CRAMP1: variants seen among roughly 807,000 people sequenced by gnomAD.
CRAMP1 encodes protein cramped-like.
In CRAMP1, 50 loss-of-function variants were observed where a neutral mutation model predicts 115.4. That is an observed-to-expected ratio of 0.43 (90% CI 0.35 to 0.55). The LOEUF (loss-of-function observed/expected upper bound fraction) is 0.55, where lower values mean the gene tolerates loss of function less well. Ranked by LOEUF, CRAMP1 falls within the 20% of genes least tolerant of loss-of-function variation. The probability of loss-of-function intolerance (pLI) is 0.01; values close to 1 mark genes in which losing one functional copy is unlikely to be tolerated. For missense variants in CRAMP1, 1,679 were observed against 1,721.7 expected (o/e 0.98, Z 0.44); for synonymous variants, 866 against 745.4 (o/e 1.16, Z -2.64).
intron 10 of CRAMP1, among the ~76,000 whole-genome samples, chr16:1,657,774 G>C (rs1333920058): frequency 6.6e-6 from 1 of 152,142 alleles, no homozygotes; most frequent in African/African-American, 2.4e-5. Flanking sequence ...CCCCAAGTCC[G>C]ATAGGATCTC....
Position 1,674,000 on chromosome 16 carries a change from T to C in CRAMP1, c.3765T>C (p.Phe1255=). The change falls in exon 21 of 21, where the codon TTT becomes TTC. Residue 1255 remains phenylalanine (F), a synonymous_variant. Coordinates refer to ENST00000397412, the MANE Select transcript of CRAMP1 (RefSeq NM_020825.4). ...AGCCTGGCCGCCGAGAAGCTCTGTT[T>C]GATGGTGGTGGAGGCGGCCCCGCTG... ...IAEPGRREAL[F]DGGGGGPAVS... 6.2e-7 allele frequency: 1 copy of C among 1,612,566 alleles called. No individual in the cohort carries two copies. The highest frequency in any genetic ancestry group is 1.1e-5 in the South Asian group (1 of 91,012).
chr16:1,669,185 TC>T lies in CRAMP1; in HGVS notation c.3499+23del. On this transcript the variant is annotated intron_variant, in intron 19 of 20. Coordinates refer to ENST00000397412, the MANE Select transcript of CRAMP1 (RefSeq NM_020825.4). The surrounding 1 kb of genome is among the most constrained non-coding windows in gnomAD (Gnocchi z 4.6). ...TGTTTGGTGAGTGTATGGGGAGGGC[TC>T]CCATCTCCTTTTCCAGGGCAGCAGG... is the stretch of plus-strand genomic sequence containing the variant. The T allele has an allele frequency of 6.5e-7, 1 of 1,543,474 alleles. No individual in the cohort carries two copies. The highest frequency in any genetic ancestry group is 8.7e-7 in the Non-Finnish European group (1 of 1,144,680).
At chr16:1,657,362 G>T (rs979566100) in intron 10 of CRAMP1, among the ~76,000 whole-genome samples, 6 of 152,214 alleles carry the variant, frequency 3.9e-5, no homozygotes, top group Non-Finnish European at 7.3e-5. Flanking sequence ...CTTGTGAGCC[G>T]CCTCGTGTTC....
At chr16:1,662,903 C>A in intron 13 of CRAMP1, 68 bp downstream of exon 13, 1 of 1,230,578 alleles carries the variant, frequency 8.1e-7, no homozygotes, top group Non-Finnish European at 1.2e-6. Flanking sequence ...GGGCTTCTTC[C>A]CTCTCTCACA....
chr16:1,648,744 G>A (rs534873485), intron 6 of CRAMP1, among the ~76,000 whole-genome samples: 18 of 151,998 alleles, frequency 1.2e-4, no homozygotes, highest in Admixed American at 9.2e-4. Context: ...GTGTATTTCA[G>A]CTGGGTTAAG....
intron 2 of CRAMP1, among the ~76,000 whole-genome samples, chr16:1,622,537 T>A (rs1465589312): frequency 6.6e-6 from 1 of 152,122 alleles, no homozygotes; most frequent in African/African-American, 2.4e-5. Context: ...GCACTCCAAG[T>A]CTAGAATAAT....
chr16:1,655,969 T>G lies in CRAMP1; in HGVS notation c.1212T>G (p.Cys404Trp). 6.2e-7 allele frequency: 1 copy of G among 1,613,082 alleles called. No homozygotes were observed. Among genetic ancestry groups the G allele is most frequent in the South Asian group, 1.1e-5 (1 of 91,084 alleles). The change falls in exon 10 of 21, where the codon TGT becomes TGG. Residue 404 changes from cysteine to tryptophan, a missense_variant. Around this residue, in one of 8 missense-constraint regions of CRAMP1, gnomAD observed 191 missense variants for 236.2 expected, o/e 0.81. Transcript: ENST00000397412. ...TGCACTTGTTCCCAGGCGAGAACTG[T>G]ACACTGACACCGCTGCCGGGCGTGG... The part of the protein sequence containing the change: ...VTLHLFPGEN[C>W]TLTPLPGVAR...
intron 6 of CRAMP1, among the ~76,000 whole-genome samples, chr16:1,649,991 G>A (rs771698426): frequency 1.1e-4 from 16 of 151,630 alleles, no homozygotes; most frequent in African/African-American, 2.9e-4. Flanking sequence ...ACAGGGTTTC[G>A]TCATATTGGT....
intron 2 of CRAMP1, among the ~76,000 whole-genome samples, chr16:1,622,577 G>C (rs1052377259): frequency 6.6e-6 from 1 of 152,020 alleles, no homozygotes; most frequent in African/African-American, 2.4e-5. Context: ...AGGTTACTTG[G>C]GGCGATTTGC....
At chr16:1,629,679 C>T (rs566815612) in intron 3 of CRAMP1, among the ~76,000 whole-genome samples, 28 of 152,262 alleles carry the variant, frequency 1.8e-4, no homozygotes, top group African/African-American at 4.6e-4. Context: ...TGGTTCTTGC[C>T]GAGGCCCAGG....
intron 19 of CRAMP1, chr16:1,670,394 C>A (rs1596499884): frequency 2.8e-6 from 1 of 357,312 alleles, no homozygotes; most frequent in Non-Finnish European, 4.9e-6. Flanking sequence ...GGGTGGGAGA[C>A]CGTGATGGGG....
chr16:1,624,543 C>T (rs1310119304), intron 2 of CRAMP1, among the ~76,000 whole-genome samples: 1 of 151,776 alleles, frequency 6.6e-6, no homozygotes, highest in Non-Finnish European at 1.5e-5. Context: ...CTCAGTCTCC[C>T]AAGTAGCTAG....
At chr16:1,643,706 A>G (rs2036651776) in intron 6 of CRAMP1, among the ~76,000 whole-genome samples, 1 of 152,238 alleles carries the variant, frequency 6.6e-6, no homozygotes, top group Non-Finnish European at 1.5e-5. Context: ...GAAATGTGTC[A>G]TGAGCTTATG....
At chr16:1,619,898 A>G (rs1328568622) in intron 2 of CRAMP1, among the ~76,000 whole-genome samples, 1 of 152,182 alleles carries the variant, frequency 6.6e-6, no homozygotes, top group Non-Finnish European at 1.5e-5. Context: ...TCTTGCAGGC[A>G]CGCCTGGAGT....
chr16:1,677,898 T>G lies in CRAMP1; in HGVS notation c.*3853T>G. The G allele has an allele frequency of 5.8e-6, 1 of 171,026 alleles. No homozygotes were observed. Among genetic ancestry groups the G allele is most frequent in the Non-Finnish European group, 1.2e-5 (1 of 80,404 alleles). The allele number at this position is 171,026 out of a possible 1,614,324, so 10.6% of individuals were successfully genotyped here. ...TTTATTGTGCATAAATACATACTAA[T>G]GTTGATCTAAGGACTGTCGTTTGTG... On this transcript the variant is annotated 3_prime_UTR_variant, in exon 21 of 21. Transcript: ENST00000397412.
Position 1,666,679 on chromosome 16 carries a change from G to C in CRAMP1, c.3036+79G>C. 1 of 1,324,814 alleles carries C rather than the reference G, an allele frequency of 7.5e-7. No individual in the cohort carries two copies. Among genetic ancestry groups the C allele is most frequent in the African/African-American group, 1.4e-5 (1 of 69,346 alleles). The allele number at this position is 1,324,814 out of a possible 1,614,324, so 82.1% of individuals were successfully genotyped here. On this transcript the variant is annotated intron_variant, in intron 16 of 20. Transcript: ENST00000397412. The surrounding 1 kb of genome is among the most constrained non-coding windows in gnomAD (Gnocchi z 5.0). ...GCCAAAGCCATGGGGCTGAGATCACGCTGGACTCCAGCTCTGCCTTTGGAG... is the reference window on the plus strand; with the variant it reads ...GCCAAAGCCATGGGGCTGAGATCACCCTGGACTCCAGCTCTGCCTTTGGAG...
chr16:1,613,259 A>T (rs1165637646), intron 1 of CRAMP1, among the ~76,000 whole-genome samples: 1 of 142,952 alleles, frequency 7.0e-6, no homozygotes, highest in African/African-American at 2.8e-5. Context: ...TAAAACTAGC[A>T]TGAACTCGAG....
chr16:1,619,586 A>C (rs527983852), intron 2 of CRAMP1, among the ~76,000 whole-genome samples: 15 of 152,342 alleles, frequency 9.8e-5, no homozygotes, highest in Middle Eastern at 3.4e-3. Flanking sequence ...CCTACAGGAT[A>C]CAATTAGAAA....
chr16:1,661,593 A>ATTT (rs1307504814), intron 11 of CRAMP1, among the ~76,000 whole-genome samples: 2 of 127,662 alleles, frequency 1.6e-5, no homozygotes, highest in Non-Finnish European at 3.3e-5. Context: ...CTATGAAAGA[A>ATTT]TTTTTTTTTT....
Sources: gnomAD v4.1 joint callset for allele counts (sites outside exome capture counted in the v4.1 genomes callset) on GRCh38, gnomAD v4.1.1 for gene constraint, gnomAD v4.1.1 regional missense constraint, Gnocchi (gnomAD v3.1) non-coding constraint, MANE v1.5 for transcripts, NCBI Gene and HGNC (gene_info 2026-07-23, HGNC 2026-07-21) for gene names.